CAMSAP1: variants seen among roughly 807,000 people sequenced by gnomAD.
CAMSAP1 encodes the protein calmodulin regulated spectrin associated protein 1.
Under a neutral mutation model 143.5 loss-of-function variants are expected in CAMSAP1, and 58 were observed. That is an observed-to-expected ratio of 0.40 (90% CI 0.33 to 0.50). CAMSAP1 has a LOEUF of 0.50. CAMSAP1 is among the 20% of genes least tolerant of loss of function. The pLI is 0.45. For synonymous variants in CAMSAP1, 945 were observed against 859.3 expected (o/e 1.10, Z -1.74); for missense variants, 1,969 against 2,115.7 (o/e 0.93, Z 1.36).
intron 7 of CAMSAP1, among the ~76,000 whole-genome samples, chr9:135,829,962 G>C (rs1435878840): frequency 6.6e-6 from 1 of 152,058 alleles, no homozygotes; most frequent in Non-Finnish European, 1.5e-5. Flanking sequence ...GTAGAGGAGG[G>C]AGGTAAAAGC....
At chr9:135,836,953 A>C in intron 7 of CAMSAP1, 1 of 982,608 alleles carries the variant, frequency 1.0e-6, no homozygotes. Context: ...GACACACGTC[A>C]CCACACACTT....
intron 1 of CAMSAP1, among the ~76,000 whole-genome samples, chr9:135,903,579 G>A (rs1838679687): frequency 1.3e-5 from 2 of 152,186 alleles, no homozygotes; most frequent in South Asian, 4.1e-4. Flanking sequence ...ATCTCAAAAG[G>A]CTAATGCAAA....
rs1834952640 is a variant in CAMSAP1, at chr9:135,809,188, T to C, written c.*2121A>G. 1 of 152,000 alleles carries C rather than the reference T, an allele frequency of 6.6e-6. No homozygotes were observed. The highest frequency in any genetic ancestry group is 2.1e-4 in the South Asian group (1 of 4,822). 9.4% of individuals were successfully genotyped at this position (152,000 alleles called of 1,614,324 possible). ...AACTTTTCAAGACTAATTAAAAGGG[T>C]TGCTGTGTCCAAGCATGAAGAACGC... On this transcript the variant is annotated 3_prime_UTR_variant, in exon 17 of 17. Coordinates refer to ENST00000389532, the MANE Select transcript of CAMSAP1 (RefSeq NM_015447.4).
intron 1 of CAMSAP1, among the ~76,000 whole-genome samples, chr9:135,886,772 C>T (rs1246371990): frequency 2.6e-5 from 4 of 152,206 alleles, no homozygotes; most frequent in Admixed American, 2.6e-4. Flanking sequence ...GTGGTCACCG[C>T]CAGGAGAGAC....
intron 3 of CAMSAP1, among the ~76,000 whole-genome samples, chr9:135,874,501 C>T (rs1162440278): frequency 2.1e-5 from 3 of 145,276 alleles, no homozygotes; most frequent in East Asian, 2.0e-4. Context: ...CCACAGGGGC[C>T]GGGAACTCCT....
At chr9:135,828,800 CAAGAG>C (rs1487608589) in intron 7 of CAMSAP1, among the ~76,000 whole-genome samples, 1 of 152,228 alleles carries the variant, frequency 6.6e-6, no homozygotes, top group East Asian at 1.9e-4. Flanking sequence ...TTGAAAGCAG[CAAGAG>C]AAAAGTGATT....
At chr9:135,840,095 G>A (rs1441649448) in intron 7 of CAMSAP1, among the ~76,000 whole-genome samples, 3 of 152,180 alleles carry the variant, frequency 2.0e-5, no homozygotes, top group African/African-American at 7.2e-5. Flanking sequence ...TGGACCCCTT[G>A]CAGCCTGGAA....
At chr9:135,885,976 C>A (rs1013311522) in intron 1 of CAMSAP1, among the ~76,000 whole-genome samples, 2 of 151,988 alleles carry the variant, frequency 1.3e-5, no homozygotes, top group African/African-American at 4.8e-5. Flanking sequence ...CCATGAGTAA[C>A]TGGCTTCAGT....
At chr9:135,839,835 C>T (rs938360609) in intron 7 of CAMSAP1, among the ~76,000 whole-genome samples, 15 of 151,990 alleles carry the variant, frequency 9.9e-5, no homozygotes, top group African/African-American at 3.4e-4. Context: ...ACACAAGGGC[C>T]CCTGACGACC....
At chr9:135,865,254 GAGC>G in intron 4 of CAMSAP1, 1 of 1,391,070 alleles carries the variant, frequency 7.2e-7, no homozygotes, top group South Asian at 1.2e-5. Flanking sequence ...TTTTGGGTGC[GAGC>G]AGTTTTTAAT....
At chr9:135,866,591 T>G (rs1054485248) in intron 3 of CAMSAP1, 55 bp from the exon 4 acceptor site, 4 of 828,612 alleles carry the variant, frequency 4.8e-6, no homozygotes, top group Admixed American at 2.0e-5. Flanking sequence ...CACAATTGTA[T>G]CTCCACAATT....
chr9:135,825,029 G>T, intron 8 of CAMSAP1, 149 bp from the exon 9 acceptor site: 1 of 678,878 alleles, frequency 1.5e-6, no homozygotes. Flanking sequence ...ATAAAAATGA[G>T]CCAAGAGTAT....
Position 135,827,604 on chromosome 9 carries a change from G to C in CAMSAP1, c.1046-20C>G. On this transcript the variant is annotated intron_variant, in intron 7 of 16. Transcript: ENST00000389532. ...TTTTCGCTGCAGAAATAGCGTTTTT[G>C]CATCGTTACTTACAACACTAACTGG... 6.5e-7 allele frequency: 1 copy of C among 1,544,448 alleles called. No homozygotes were observed. Among genetic ancestry groups the C allele is most frequent in the Non-Finnish European group, 8.8e-7 (1 of 1,134,056 alleles).
At position 135,899,085 on chromosome 9, in the gene CAMSAP1, C is replaced by T. The variant is rs150061778; in HGVS notation, c.160+7915G>A. Among the ~76,000 whole-genome samples the T allele has an allele frequency of 3.6e-3, 550 of 152,306 alleles. 5 individuals carry two copies. The highest frequency in any genetic ancestry group is 0.012 in the African/African-American group (506 of 41,560). On this transcript the variant is annotated intron_variant, in intron 1 of 16. Coordinates refer to ENST00000389532, the MANE Select transcript of CAMSAP1 (RefSeq NM_015447.4). Reference sequence around the variant, plus strand: ...AGTGAAAGAAGTCAGATTAGATGCACAGAGGAAACTCATCTACAATAACAG... The same window carrying T: ...AGTGAAAGAAGTCAGATTAGATGCATAGAGGAAACTCATCTACAATAACAG...
intron 5 of CAMSAP1, among the ~76,000 whole-genome samples, chr9:135,855,053 G>A (rs867186267): frequency 3.7e-4 from 56 of 151,714 alleles, no homozygotes; most frequent in African/African-American, 1.1e-3. Context: ...GTGCAGTGGC[G>A]TGATCTCAGC....
chr9:135,825,567 G>T lies in CAMSAP1; in HGVS notation c.1224-687C>A, dbSNP rs541089791. ...GAAGAACGGCACATGCAGGAAAGGC[G>T]GAAGTCACACGTGTGCGGATCGCAC... On this transcript the variant is annotated intron_variant, in intron 8 of 16. Transcript: ENST00000389532. 2.9e-3 allele frequency among the ~76,000 whole-genome samples: 440 copies of T among 152,336 alleles called. 2 individuals carry two copies. Among genetic ancestry groups the T allele is most frequent in the Non-Finnish European group, 5.1e-3 (344 of 68,036 alleles).
Position 135,850,038 on chromosome 9 carries a change from C to T in CAMSAP1, c.1045+99G>A, listed in dbSNP as rs370044687. ...CTGACTCCACAGGCTCTTCCAAGAA[C>T]TCTGCTGTGCGAGAAACATGGAACC... is the stretch of plus-strand genomic sequence containing the variant. On this transcript the variant is annotated intron_variant, in intron 7 of 16. Transcript: ENST00000389532. 1.0e-5 allele frequency: 10 copies of T among 972,130 alleles called. No homozygotes were observed. The South Asian group carries it at 1.6e-4, about 15-fold the overall frequency. The allele number at this position is 972,130 out of a possible 1,614,324, so 60.2% of individuals were successfully genotyped here.
intron 1 of CAMSAP1, among the ~76,000 whole-genome samples, chr9:135,888,557 T>C (rs1271295145): frequency 6.6e-6 from 1 of 152,124 alleles, no homozygotes; most frequent in Non-Finnish European, 1.5e-5. Flanking sequence ...CTCTGCTCTG[T>C]TGCTTGTCTG....
chr9:135,814,101 G>A (rs1241364475), intron 16 of CAMSAP1, among the ~76,000 whole-genome samples: 1 of 152,166 alleles, frequency 6.6e-6, no homozygotes, highest in Non-Finnish European at 1.5e-5. Context: ...GATACAGGGG[G>A]CCAACCACCT....
Sources: allele counts gnomAD v4.1 joint callset (sites outside exome capture counted in the v4.1 genomes callset), GRCh38; gene constraint gnomAD v4.1.1; transcripts MANE v1.5; gene names NCBI Gene and HGNC (gene_info 2026-07-23, HGNC 2026-07-21).